GRIK4: variants seen among roughly 807,000 people sequenced by gnomAD.
The protein encoded by GRIK4 is glutamate receptor ionotropic, kainate 4.
Under a neutral mutation model 104.9 loss-of-function variants are expected in GRIK4, and 40 were observed. The observed-to-expected ratio is 0.38, with a 90% CI of 0.30 to 0.50. The LOEUF is 0.50. GRIK4 is among the 20% of genes least tolerant of loss of function. The probability of loss-of-function intolerance (pLI) is 0.93; values close to 1 mark genes in which losing one functional copy is unlikely to be tolerated. For missense variants in GRIK4, 1,047 were observed against 1,308.1 expected (o/e 0.80, Z 3.08); for synonymous variants, 485 against 524.9 (o/e 0.92, Z 1.04).
At chr11:120,563,537 CGTT>C (rs376727039) in intron 1 of GRIK4, among the ~76,000 whole-genome samples, 6 of 152,210 alleles carry the variant, frequency 3.9e-5, no homozygotes, top group African/African-American at 1.4e-4. Context: ...CTTTTGAACT[CGTT>C]TTTTTTAAAC....
At chr11:120,739,980 C>A (rs1951298346) in intron 3 of GRIK4, among the ~76,000 whole-genome samples, 1 of 152,350 alleles carries the variant, frequency 6.6e-6, no homozygotes, top group Non-Finnish European at 1.5e-5. Flanking sequence ...ATGCCCCAAC[C>A]TCATCCACCA....
At chr11:120,735,072 C>T (rs760016054) in intron 3 of GRIK4, among the ~76,000 whole-genome samples, 3 of 152,288 alleles carry the variant, frequency 2.0e-5, no homozygotes, top group Non-Finnish European at 4.4e-5. Flanking sequence ...ATTGGTCCCT[C>T]GTGCCTTATT....
chr11:120,520,335 A>G (rs986291293), intron 1 of GRIK4, among the ~76,000 whole-genome samples: 14 of 152,166 alleles, frequency 9.2e-5, no homozygotes, highest in Non-Finnish European at 2.9e-5. Context: ...TGGCGCCTCT[A>G]TGCGTTTTGG....
At chr11:120,635,281 A>T (rs1949384204) in intron 1 of GRIK4, among the ~76,000 whole-genome samples, 1 of 152,200 alleles carries the variant, frequency 6.6e-6, no homozygotes, top group African/African-American at 2.4e-5. Flanking sequence ...CAACCACCCA[A>T]GGTGCACTGA....
chr11:120,742,957 G>T (rs1056876178), intron 3 of GRIK4, among the ~76,000 whole-genome samples: 1 of 152,224 alleles, frequency 6.6e-6, no homozygotes, highest in Admixed American at 6.5e-5. Context: ...GATTGGCTGG[G>T]CATGGTGGCT....
At chr11:120,794,508 G>A (rs991092772) in intron 3 of GRIK4, among the ~76,000 whole-genome samples, 1 of 152,098 alleles carries the variant, frequency 6.6e-6, no homozygotes, top group African/African-American at 2.4e-5. Context: ...GTTAAAACGA[G>A]GTTGTTAGGT....
intron 18 of GRIK4, among the ~76,000 whole-genome samples, chr11:120,964,184 G>A (rs920228992): frequency 6.6e-6 from 1 of 151,910 alleles, no homozygotes; most frequent in African/African-American, 2.4e-5. Context: ...TAGAGACGGG[G>A]TTTCACCATG....
intron 3 of GRIK4, among the ~76,000 whole-genome samples, chr11:120,666,167 G>A (rs927003652): frequency 5.3e-5 from 8 of 152,224 alleles, no homozygotes; most frequent in African/African-American, 1.9e-4. Flanking sequence ...TGTATAGCGT[G>A]TTCTTACACA....
intron 1 of GRIK4, among the ~76,000 whole-genome samples, chr11:120,554,113 C>T (rs1948165742): frequency 6.6e-6 from 1 of 152,094 alleles, no homozygotes; most frequent in South Asian, 2.1e-4. Flanking sequence ...CTATAGTAGC[C>T]CTGTGCTGTA....
intron 20 of GRIK4, among the ~76,000 whole-genome samples, chr11:120,983,130 C>T (rs958595912): frequency 5.3e-5 from 8 of 152,188 alleles, no homozygotes; most frequent in Non-Finnish European, 1.0e-4. Context: ...CCCCAGTCCT[C>T]CTGCTGTCCC....
chr11:120,520,663 C>CTGGA (rs2136073466), intron 1 of GRIK4, among the ~76,000 whole-genome samples: 1 of 152,300 alleles, frequency 6.6e-6, no homozygotes, highest in African/African-American at 2.4e-5. Flanking sequence ...AAGGGCCTGG[C>CTGGA]TGGCTGGCTG....
chr11:120,901,958 A>G (rs927552752), intron 12 of GRIK4, among the ~76,000 whole-genome samples: 1 of 152,162 alleles, frequency 6.6e-6, no homozygotes, highest in African/African-American at 2.4e-5. Context: ...TCAAACAACT[A>G]TTAGCCTTGG....
rs12575945 is a variant in GRIK4, at chr11:120,555,088, C to A, written c.-159+43201C>A. On this transcript the variant is annotated intron_variant, in intron 1 of 20. Transcript: ENST00000527524. This position sits in a 1 kb window ranked among gnomAD's most constrained non-coding sequence, Gnocchi z 5.3. ...CTGTGAGGCATGAGAAGGCGCTCTG[C>A]AGCCCGAGACCACAGGCTGCTGCCC... 0.036 allele frequency among the ~76,000 whole-genome samples: 5,542 copies of A among 152,308 alleles called. 128 individuals carry two copies. The highest frequency in any genetic ancestry group is 0.09 in the East Asian group (463 of 5,170).
chr11:120,637,485 A>C (rs954582690), intron 1 of GRIK4, among the ~76,000 whole-genome samples: 1 of 152,092 alleles, frequency 6.6e-6, no homozygotes, highest in Non-Finnish European at 1.5e-5. Flanking sequence ...CTGCATAACA[A>C]ATGTGCTGTA....
chr11:120,622,378 G>T (rs1481052829), intron 1 of GRIK4, among the ~76,000 whole-genome samples: 1 of 152,196 alleles, frequency 6.6e-6, no homozygotes, highest in Non-Finnish European at 1.5e-5. Context: ...CCTTTAGGGG[G>T]CAGAAGTGAG....
intron 1 of GRIK4, among the ~76,000 whole-genome samples, chr11:120,626,873 A>G (rs1949266933): frequency 6.6e-6 from 1 of 152,190 alleles, no homozygotes; most frequent in South Asian, 2.1e-4. Context: ...CAATTGTCTT[A>G]TGATCTACCC....
chr11:120,583,824 A>G (rs1215323947), intron 1 of GRIK4, among the ~76,000 whole-genome samples: 3 of 152,202 alleles, frequency 2.0e-5, no homozygotes, highest in African/African-American at 7.2e-5. Context: ...TTTTAACAAT[A>G]TTGAGTCTTT....
At chr11:120,941,934 T>C (rs1244820005) in intron 14 of GRIK4, among the ~76,000 whole-genome samples, 4 of 152,220 alleles carry the variant, frequency 2.6e-5, no homozygotes, top group African/African-American at 2.4e-5. Context: ...AATAGAGCTG[T>C]GTCATTCTTA....
chr11:120,518,145 C>T (rs922090567), intron 1 of GRIK4, among the ~76,000 whole-genome samples: 4 of 152,100 alleles, frequency 2.6e-5, no homozygotes, highest in Admixed American at 1.3e-4. Flanking sequence ...CATTGCTCCC[C>T]CTGAGGCTGT....
Sources: allele counts gnomAD v4.1 joint callset (sites outside exome capture counted in the v4.1 genomes callset), GRCh38; gene constraint gnomAD v4.1.1; non-coding constraint Gnocchi (gnomAD v3.1); transcripts MANE v1.5; gene names NCBI Gene and HGNC (gene_info 2026-07-23, HGNC 2026-07-21).